CCSER1: variants seen among roughly 807,000 people sequenced by gnomAD.
The protein encoded by CCSER1 is coiled-coil serine rich protein 1, also known as serine-rich coiled-coil domain-containing protein 1.
In CCSER1, 41 loss-of-function variants were observed where a neutral mutation model predicts 82.0. The ratio of observed to expected loss-of-function variants is 0.50; its 90% CI spans 0.39 to 0.65. CCSER1 has a LOEUF of 0.65. CCSER1 is among the 30% of genes least tolerant of loss of function. CCSER1 has a pLI of 0.00. For missense variants in CCSER1, 1,119 were observed against 1,064.2 expected (o/e 1.05, Z -0.72); for synonymous variants, 414 against 383.9 (o/e 1.08, Z -0.92).
chr4:90,350,986 A>G (rs1190361570), intron 3 of CCSER1, among the ~76,000 whole-genome samples: 1 of 152,190 alleles, frequency 6.6e-6, no homozygotes, highest in Non-Finnish European at 1.5e-5. Context: ...AAGAATTATG[A>G]CAAATGACTT....
chr4:91,263,427 A>G (rs952835207), intron 10 of CCSER1, among the ~76,000 whole-genome samples: 2 of 151,954 alleles, frequency 1.3e-5, no homozygotes, highest in Non-Finnish European at 2.9e-5. Flanking sequence ...AAAGATCTCA[A>G]ATTATTGATT....
At position 91,196,241 on chromosome 4, in the gene CCSER1, T is replaced by G. The variant is rs550111208; in HGVS notation, c.2217+110247T>G. Reference sequence around the variant, plus strand: ...TAAATGGATCCTCAAAGACTGCATTTCTCTTCTAGCCCAAGAAGGTCAATG... The same window carrying G: ...TAAATGGATCCTCAAAGACTGCATTGCTCTTCTAGCCCAAGAAGGTCAATG... On this transcript the variant is annotated intron_variant, in intron 10 of 10. Coordinates refer to ENST00000509176, the MANE Select transcript of CCSER1 (RefSeq NM_001145065.2). Among the ~76,000 whole-genome samples, 651 of 152,092 alleles carry G rather than the reference T, an allele frequency of 4.3e-3. 6 individuals carry two copies. Among genetic ancestry groups the G allele is most frequent in the African/African-American group, 0.015 (613 of 41,482 alleles).
chr4:91,329,095 A>C (rs114533073), intron 10 of CCSER1, among the ~76,000 whole-genome samples: 566 of 152,330 alleles, frequency 3.7e-3, no homozygotes, highest in Non-Finnish European at 6.0e-3. Flanking sequence ...TTTTATCTTT[A>C]TTAGCAGAAT....
Position 91,535,018 on chromosome 4 carries a change from ACT to A in CCSER1, c.2218-63551_2218-63550del, listed in dbSNP as rs1209028216. 3.9e-5 allele frequency among the ~76,000 whole-genome samples: 6 copies of A among 151,928 alleles called. No homozygotes were observed. The East Asian group carries it at 1.2e-3, about 29-fold the overall frequency. ...TTATAAATTTTGTTGATTGTTATAA[ACT>A]CTACTACAGATAATTTTATTTTGTG... On this transcript the variant is annotated intron_variant, in intron 10 of 10. Coordinates refer to ENST00000509176, the MANE Select transcript of CCSER1 (RefSeq NM_001145065.2).
chr4:90,465,261 T>C (rs1763471120), intron 4 of CCSER1, among the ~76,000 whole-genome samples: 1 of 151,448 alleles, frequency 6.6e-6, no homozygotes. Flanking sequence ...CGCCTCTGCC[T>C]CCCAAAGTGC....
At chr4:91,153,357 C>T (rs558916773) in intron 10 of CCSER1, among the ~76,000 whole-genome samples, 1 of 152,014 alleles carries the variant, frequency 6.6e-6, no homozygotes, top group South Asian at 2.1e-4. Flanking sequence ...GTTTTCAGCT[C>T]CATCAGGTCA....
intron 1 of CCSER1, chr4:90,235,176 C>T (rs1745545944): frequency 6.6e-6 from 1 of 152,518 alleles, no homozygotes; most frequent in African/African-American, 2.4e-5. Flanking sequence ...CACTGCAAGC[C>T]CTGCTGCTGC....
intron 10 of CCSER1, among the ~76,000 whole-genome samples, chr4:91,104,838 A>G (rs959409690): frequency 2.0e-5 from 3 of 152,102 alleles, no homozygotes; most frequent in Non-Finnish European, 4.4e-5. Context: ...TTGTGTGTCT[A>G]AATTTCCTAA....
intron 1 of CCSER1, among the ~76,000 whole-genome samples, chr4:90,167,151 A>G (rs1730614832): frequency 6.6e-6 from 1 of 152,010 alleles, no homozygotes; most frequent in African/African-American, 2.4e-5. Context: ...GTACTTAAAA[A>G]CTCAAACTCA....
At chr4:90,783,040 C>T (rs980236824) in intron 7 of CCSER1, among the ~76,000 whole-genome samples, 1 of 152,084 alleles carries the variant, frequency 6.6e-6, no homozygotes. Context: ...CTCCCTGGTT[C>T]AAGTAATTCT....
chr4:90,276,363 TG>T (rs1727816327), intron 1 of CCSER1, among the ~76,000 whole-genome samples: 1 of 146,558 alleles, frequency 6.8e-6, no homozygotes, highest in African/African-American at 2.6e-5. Flanking sequence ...TTTTTTTTTT[TG>T]GAAACGGAGT....
chr4:91,051,200 T>C (rs1400445488), intron 9 of CCSER1, among the ~76,000 whole-genome samples: 1 of 152,060 alleles, frequency 6.6e-6, no homozygotes, highest in African/African-American at 2.4e-5. Flanking sequence ...AAATAACTAT[T>C]ACCAAATATC....
intron 10 of CCSER1, among the ~76,000 whole-genome samples, chr4:91,269,828 C>G (rs1181720883): frequency 2.0e-5 from 3 of 152,052 alleles, no homozygotes; most frequent in Admixed American, 6.6e-5. Context: ...AATTCATACC[C>G]CTTTAGATTC....
chr4:90,815,821 C>A lies in CCSER1; in HGVS notation c.2070C>A (p.Leu690=). The part of the protein sequence containing the change: ...LKLQLKEKDE[L]ISQLQEELGK... Reference sequence around the variant, plus strand: ...TGCAGCTGAAAGAGAAGGATGAACTCATTTCCCAACTTCAGGAAGAGCTGG... The same window carrying A: ...TGCAGCTGAAAGAGAAGGATGAACTAATTTCCCAACTTCAGGAAGAGCTGG... Residue 690 remains leucine, a synonymous_variant, in exon 8 of 11, where the codon CTC becomes CTA. Transcript: ENST00000509176. 1 of 1,551,050 alleles carries A rather than the reference C, an allele frequency of 6.4e-7. No homozygotes were observed. Among genetic ancestry groups the A allele is most frequent in the South Asian group, 1.2e-5 (1 of 84,014 alleles).
intron 9 of CCSER1, among the ~76,000 whole-genome samples, chr4:90,988,360 A>AAAAG (rs1561449170): frequency 9.1e-5 from 13 of 142,724 alleles, no homozygotes; most frequent in Non-Finnish European, 1.4e-4. Flanking sequence ...AAAAAAAAAA[A>AAAAG]AAAGAAAGAA....
chr4:91,469,912 A>C (rs1477597727), intron 10 of CCSER1, among the ~76,000 whole-genome samples: 1 of 152,226 alleles, frequency 6.6e-6, no homozygotes, highest in African/African-American at 2.4e-5. Context: ...TGCTTTGCTC[A>C]TTCATAAGCT....
At chr4:91,247,395 G>A (rs999355382) in intron 10 of CCSER1, among the ~76,000 whole-genome samples, 6 of 152,066 alleles carry the variant, frequency 3.9e-5, no homozygotes, top group African/African-American at 1.4e-4. Context: ...GGATGATCCT[G>A]GAACAATCCA....
chr4:91,023,104 G>A (rs568011160), intron 9 of CCSER1, among the ~76,000 whole-genome samples: 319 of 152,222 alleles, frequency 2.1e-3, no homozygotes, highest in South Asian at 8.1e-3. Context: ...TACAAGGGAC[G>A]TGAAGGACCT....
At chr4:90,520,222 T>C (rs573633105) in intron 5 of CCSER1, among the ~76,000 whole-genome samples, 8 of 151,628 alleles carry the variant, frequency 5.3e-5, no homozygotes, top group Non-Finnish European at 1.0e-4. Context: ...TCTAATATAA[T>C]TATATATGAT....
Sources: allele counts gnomAD v4.1 joint callset (sites outside exome capture counted in the v4.1 genomes callset), GRCh38; gene constraint gnomAD v4.1.1; transcripts MANE v1.5; gene names NCBI Gene and HGNC (gene_info 2026-07-23, HGNC 2026-07-21).